Variants in SHANK2 observed in about 807,000 individuals in gnomAD.
The protein encoded by SHANK2 is SH3 and multiple ankyrin repeat domains protein 2.
In SHANK2, 43 loss-of-function variants were observed where a neutral mutation model predicts 133.7. The observed-to-expected ratio is 0.32, with a 90% CI of 0.25 to 0.41. The LOEUF (loss-of-function observed/expected upper bound fraction) is 0.41. Ranked by LOEUF, SHANK2 falls within the 10% of genes least tolerant of loss-of-function variation. The pLI is 1.00. For missense variants in SHANK2, 1,994 were observed against 2,235.8 expected, an observed-to-expected ratio of 0.89 and a Z score of 2.18; for synonymous variants, 1,017 against 952.8, an observed-to-expected ratio of 1.07 and a Z score of -1.24.
At chr11:71,072,532 G>C (rs1951157289) in intron 9 of SHANK2, among the ~76,000 whole-genome samples, 1 of 152,182 alleles carries the variant, frequency 6.6e-6, no homozygotes, top group African/African-American at 2.4e-5. Flanking sequence ...GGTTCCACTT[G>C]TGGGCATTTT....
chr11:71,242,758 A>G (rs1222466627), intron 1 of SHANK2, among the ~76,000 whole-genome samples: 1 of 152,244 alleles, frequency 6.6e-6, no homozygotes, highest in Non-Finnish European at 1.5e-5. Context: ...AGCACATGCC[A>G]CAAAAGACGG....
intron 15 of SHANK2, among the ~76,000 whole-genome samples, chr11:70,695,163 G>A (rs1014435561): frequency 6.6e-6 from 1 of 152,184 alleles, no homozygotes; most frequent in Non-Finnish European, 1.5e-5. Context: ...GAGGGAGGTG[G>A]AGCGGGGAGT....
intron 1 of SHANK2, among the ~76,000 whole-genome samples, chr11:71,238,161 T>G (rs1954846399): frequency 6.6e-6 from 1 of 152,150 alleles, no homozygotes; most frequent in South Asian, 2.1e-4. Context: ...GATGCCCACG[T>G]GGGAGGCTCT....
intron 15 of SHANK2, among the ~76,000 whole-genome samples, chr11:70,678,120 ATTTTCCTTCTTG>A (rs1485084586): frequency 6.6e-6 from 1 of 151,312 alleles, no homozygotes; most frequent in African/African-American, 2.4e-5. Context: ...TTTCCTTCTC[ATTTTCCTTCTTG>A]TTCTTTTGTT....
intron 14 of SHANK2, among the ~76,000 whole-genome samples, chr11:70,701,733 C>T (rs150947744): frequency 6.6e-6 from 1 of 152,152 alleles, no homozygotes; most frequent in Non-Finnish European, 1.5e-5. Context: ...AGGACATTAT[C>T]TCTGACTGCT....
chr11:70,758,369 A>G (rs2134959032), intron 14 of SHANK2, among the ~76,000 whole-genome samples: 1 of 152,022 alleles, frequency 6.6e-6, no homozygotes, highest in South Asian at 2.1e-4. Context: ...CCGCCATCCC[A>G]GACCCGCCGT....
At chr11:71,091,329 CTA>C (rs1951515925) in intron 8 of SHANK2, among the ~76,000 whole-genome samples, 1 of 152,180 alleles carries the variant, frequency 6.6e-6, no homozygotes, top group African/African-American at 2.4e-5. Context: ...CAGAACTGAC[CTA>C]GCACAAGAAA....
intron 15 of SHANK2, among the ~76,000 whole-genome samples, chr11:70,664,811 G>A (rs1197559174): frequency 6.6e-6 from 1 of 152,226 alleles, no homozygotes; most frequent in Non-Finnish European, 1.5e-5. Flanking sequence ...GGAGGCACAG[G>A]CTTTGGCATC....
chr11:70,787,075 G>GACC (rs1195970273), intron 14 of SHANK2, among the ~76,000 whole-genome samples: 13 of 122,920 alleles, frequency 1.1e-4, no homozygotes, highest in African/African-American at 3.3e-4. Flanking sequence ...TCAGCACCAT[G>GACC]ACCACCACCA....
intron 17 of SHANK2, among the ~76,000 whole-genome samples, chr11:70,651,946 G>T (rs1181037852): frequency 6.6e-6 from 1 of 152,246 alleles, no homozygotes; most frequent in Admixed American, 6.5e-5. Flanking sequence ...AGCAGGACAT[G>T]TGACAAAGTC....
intron 2 of SHANK2, among the ~76,000 whole-genome samples, chr11:71,192,629 AC>A (rs1470161042): frequency 6.6e-6 from 1 of 152,174 alleles, no homozygotes; most frequent in Non-Finnish European, 1.5e-5. Flanking sequence ...AACGTGCCCC[AC>A]CCTGGGTGGA....
At chr11:70,919,476 G>A (rs1287926601) in intron 10 of SHANK2, among the ~76,000 whole-genome samples, 11 of 151,826 alleles carry the variant, frequency 7.2e-5, no homozygotes, top group Admixed American at 7.2e-4. Context: ...CCGCCTCCCA[G>A]GTTCTAAGCA....
intron 10 of SHANK2, among the ~76,000 whole-genome samples, chr11:70,927,926 G>T (rs78968850): frequency 0.013 from 1,927 of 152,242 alleles, 40 homozygotes; most frequent in African/African-American, 0.043. Context: ...ATCGTTTTCT[G>T]CCCTTGTCCT....
intron 11 of SHANK2, among the ~76,000 whole-genome samples, chr11:70,870,815 C>T (rs185315628): frequency 3.3e-5 from 5 of 152,264 alleles, no homozygotes; most frequent in Admixed American, 2.0e-4. Context: ...CTTGCTGTGT[C>T]GCCCAGGCTG....
intron 10 of SHANK2, among the ~76,000 whole-genome samples, chr11:70,918,317 C>T (rs1188662245): frequency 6.6e-6 from 1 of 152,304 alleles, no homozygotes; most frequent in African/African-American, 2.4e-5. Flanking sequence ...GACGTGTACC[C>T]TCTCCACGGA....
chr11:71,225,315 G>C (rs983593875), intron 1 of SHANK2, among the ~76,000 whole-genome samples: 1 of 152,190 alleles, frequency 6.6e-6, no homozygotes, highest in East Asian at 1.9e-4. Context: ...ACCCTGTGTG[G>C]CTATAATGAA....
chr11:70,927,194 T>C (rs1389058160), intron 10 of SHANK2, among the ~76,000 whole-genome samples: 1 of 152,166 alleles, frequency 6.6e-6, no homozygotes, highest in Non-Finnish European at 1.5e-5. Context: ...AAAAGATTCT[T>C]TGTAGCTATT....
At chr11:70,687,359 C>G (rs575582549) in intron 15 of SHANK2, among the ~76,000 whole-genome samples, 1 of 152,196 alleles carries the variant, frequency 6.6e-6, no homozygotes, top group Non-Finnish European at 1.5e-5. Context: ...ACTCAGAGCA[C>G]AAGGTTGGAG....
intron 17 of SHANK2, among the ~76,000 whole-genome samples, chr11:70,621,220 C>T (rs1387829873): frequency 6.6e-6 from 1 of 152,198 alleles, no homozygotes; most frequent in Non-Finnish European, 1.5e-5. Context: ...CTGGGGTGTC[C>T]AAGGGGCAGT....
Sources: gnomAD v4.1 joint callset for allele counts (sites outside exome capture counted in the v4.1 genomes callset) on GRCh38, gnomAD v4.1.1 for gene constraint, MANE v1.5 for transcripts, NCBI Gene and HGNC (gene_info 2026-07-23, HGNC 2026-07-21) for gene names.